The following SLC12A1 variants were observed in gnomAD, a reference collection of about 807,000 sequenced individuals.
SLC12A1 encodes solute carrier family 12 member 1.
Under a neutral mutation model 130.4 loss-of-function variants are expected in SLC12A1, and 89 were observed. The ratio of observed to expected loss-of-function variants is 0.68; its 90% CI spans 0.58 to 0.81. The LOEUF (loss-of-function observed/expected upper bound fraction) is 0.81. SLC12A1 is among the 40% of genes least tolerant of loss of function. The pLI is 0.00. For missense variants in SLC12A1, 1,310 were observed against 1,336.4 expected, an observed-to-expected ratio of 0.98 and a Z score of 0.31; for synonymous variants, 499 against 460.0, an observed-to-expected ratio of 1.08 and a Z score of -1.09.
Position 48,229,343 on chromosome 15 carries a change from T to C in SLC12A1, c.864+15T>C, listed in dbSNP as rs1451093640. The C allele has an allele frequency of 1.3e-6, 2 of 1,575,534 alleles. No individual in the cohort carries two copies. The highest frequency in any genetic ancestry group is 1.3e-5 in the African/African-American group (1 of 74,266). On this transcript the variant is annotated intron_variant, in intron 6 of 26. Coordinates refer to ENST00000380993, the MANE Select transcript of SLC12A1 (RefSeq NM_000338.3). ...ATCTTCTTAAGGTAATTAAAAGCTTTTCTTTTTTTCTGCCAAGCAGCATAA... is the reference window on the plus strand; with the variant it reads ...ATCTTCTTAAGGTAATTAAAAGCTTCTCTTTTTTTCTGCCAAGCAGCATAA...
intron 18 of SLC12A1, 108 bp downstream of exon 18, chr15:48,267,809 A>G (rs1235269369): frequency 1.7e-6 from 2 of 1,154,390 alleles, no homozygotes; most frequent in African/African-American, 1.5e-5. Context: ...AGCATCAGAG[A>G]TCAGTGCAGA....
At chr15:48,277,663 A>G (rs80101430) in intron 20 of SLC12A1, among the ~76,000 whole-genome samples, 40 of 152,354 alleles carry the variant, frequency 2.6e-4, no homozygotes, top group African/African-American at 9.4e-4. Context: ...GAGCGGCATC[A>G]GGGTATTTCT....
intron 18 of SLC12A1, among the ~76,000 whole-genome samples, chr15:48,269,039 T>C (rs1166914488): frequency 1.3e-5 from 2 of 152,200 alleles, no homozygotes; most frequent in Non-Finnish European, 2.9e-5. Context: ...CATAGCACTA[T>C]GCAATTCATA....
Position 48,259,235 on chromosome 15 carries a change from C to T in SLC12A1, c.2078C>T (p.Thr693Ile). The change falls in exon 17 of 27, where the codon ACA becomes ATA. Residue 693 changes from threonine to isoleucine, a missense_variant. Transcript: ENST00000380993. ...QCIVLTGGPMTRPALLDITHA... is the reference protein window; with the variant it reads ...QCIVLTGGPMIRPALLDITHA... ...ATTGTCTTAACAGGGGGACCCATGA[C>T]AAGACCTGCTCTCCTGGACATAACT... 1 of 1,613,598 alleles carries T rather than the reference C, an allele frequency of 6.2e-7. No individual in the cohort carries two copies. The highest frequency in any genetic ancestry group is 8.5e-7 in the Non-Finnish European group (1 of 1,179,590).
intron 1 of SLC12A1, 42 bp downstream of exon 1, chr15:48,206,372 T>C (rs1341831860): frequency 6.6e-6 from 1 of 152,192 alleles, no homozygotes; most frequent in Non-Finnish European, 1.5e-5. Flanking sequence ...TCATACTTAA[T>C]ATTATGTCAT....
At chr15:48,263,666 G>A (rs1391529494) in intron 17 of SLC12A1, among the ~76,000 whole-genome samples, 1 of 151,712 alleles carries the variant, frequency 6.6e-6, no homozygotes, top group African/African-American at 2.4e-5. Flanking sequence ...GGTTATAGAA[G>A]CTTCTACTCA....
At chr15:48,295,777 G>A (rs1038987411) in intron 24 of SLC12A1, among the ~76,000 whole-genome samples, 1 of 152,154 alleles carries the variant, frequency 6.6e-6, no homozygotes, top group Non-Finnish European at 1.5e-5. Context: ...AGGCCACCAG[G>A]AGTGTGCTGG....
At chr15:48,213,868 T>C (rs929421918) in intron 2 of SLC12A1, among the ~76,000 whole-genome samples, 1 of 152,102 alleles carries the variant, frequency 6.6e-6, no homozygotes, top group African/African-American at 2.4e-5. Context: ...TGGATACGAA[T>C]AAAGGAAATG....
chr15:48,279,206 A>C (rs2041986010), intron 20 of SLC12A1, among the ~76,000 whole-genome samples: 1 of 152,202 alleles, frequency 6.6e-6, no homozygotes, highest in African/African-American at 2.4e-5. Context: ...ACCTCTTATT[A>C]GATTTTGAAT....
intron 20 of SLC12A1, among the ~76,000 whole-genome samples, chr15:48,283,776 C>A (rs2042030814): frequency 6.6e-6 from 1 of 152,222 alleles, no homozygotes; most frequent in Admixed American, 6.5e-5. Flanking sequence ...GTTTTCTATC[C>A]TCTTCCTCTG....
intron 18 of SLC12A1, among the ~76,000 whole-genome samples, chr15:48,268,853 T>G (rs2141089229): frequency 6.6e-6 from 1 of 152,284 alleles, no homozygotes; most frequent in East Asian, 1.9e-4. Context: ...AATAATATTT[T>G]CAACTAGGAA....
Position 48,254,630 on chromosome 15 carries a change from A to C in SLC12A1, c.1943-1181A>C, listed in dbSNP as rs146315282. On this transcript the variant is annotated intron_variant, in intron 15 of 26. Transcript: ENST00000380993. Reference sequence around the variant, plus strand: ...AAAAAAAAAAAAAAAAAAAAAAAAAACCCAAAAAAGACCGGGCACGGTGGC... The same window carrying C: ...AAAAAAAAAAAAAAAAAAAAAAAAACCCCAAAAAAGACCGGGCACGGTGGC... Among the ~76,000 whole-genome samples the C allele has an allele frequency of 9.5e-5, 13 of 136,484 alleles. No individual in the cohort carries two copies. In the East Asian group the frequency reaches 2.5e-3, roughly 26 times the overall value. 89.5% of individuals were successfully genotyped at this position (136,484 alleles called of 152,430 possible).
intron 16 of SLC12A1, 134 bp from the exon 17 acceptor site, chr15:48,259,066 C>A: frequency 1.6e-6 from 1 of 612,974 alleles, no homozygotes; most frequent in East Asian, 2.7e-5. Flanking sequence ...AATACTGGTG[C>A]GAAACCCAAA....
At position 48,274,562 on chromosome 15, in the gene SLC12A1, C is replaced by T; in HGVS notation, c.2403-9C>T. 3.1e-6 allele frequency: 5 copies of T among 1,605,330 alleles called. No homozygotes were observed. Among genetic ancestry groups the T allele is most frequent in the Non-Finnish European group, 4.3e-6 (5 of 1,173,494 alleles). On this transcript the variant is annotated splice_polypyrimidine_tract_variant and intron_variant, in intron 19 of 26. Coordinates refer to ENST00000380993, the MANE Select transcript of SLC12A1 (RefSeq NM_000338.3). ...TTTAAAACGCTGACTGCTTTGCTTC[C>T]TCTTTCAGTGATGCATTTGATTTTG...
In SLC12A1 at chr15:48,247,322, C is replaced by T. The variant is rs770418972; in HGVS notation, c.1561-15C>T. On this transcript the variant is annotated splice_polypyrimidine_tract_variant and intron_variant, in intron 12 of 26. Coordinates refer to ENST00000380993, the MANE Select transcript of SLC12A1 (RefSeq NM_000338.3). ...TAGCTATAAATGACAAATTTCTTCT[C>T]TTCTTTTCCATTAGGCTCTGTGCAA... The T allele has an allele frequency of 2.5e-6, 4 of 1,596,574 alleles. No individual in the cohort carries two copies. Among genetic ancestry groups the T allele is most frequent in the Admixed American group, 1.8e-5 (1 of 54,808 alleles).
At chr15:48,266,785 T>C (rs1444702561) in intron 17 of SLC12A1, among the ~76,000 whole-genome samples, 2 of 152,216 alleles carry the variant, frequency 1.3e-5, no homozygotes, top group Admixed American at 1.3e-4. Flanking sequence ...AGAAAAGAAC[T>C]AGCTTGGACA....
rs1162675651 is a variant in SLC12A1 at position 48,247,360 on chromosome 15, C to A, written c.1584C>A (p.Tyr528Ter). 1 of 1,613,348 alleles carries A rather than the reference C, an allele frequency of 6.2e-7. No individual in the cohort carries two copies. Among genetic ancestry groups the A allele is most frequent in the East Asian group, 2.2e-5 (1 of 44,868 alleles). ...AGGCTCTGTGCAAGGACAACATCTA[C>A]AAAGCCCTGCAGTTTTTTGCAAAGG... ...VFQALCKDNIYKALQFFAKGY... is the reference protein window; with the variant it reads ...VFQALCKDNI Residue 528 changes from tyrosine (Y) to a stop codon, truncating the protein, a stop_gained, in exon 13 of 27, where the codon TAC (tyrosine) becomes TAA (stop). Transcript: ENST00000380993. LOFTEE classifies it high-confidence loss of function.
chr15:48,216,879 G>C (rs1458982913), intron 2 of SLC12A1, among the ~76,000 whole-genome samples: 2 of 152,130 alleles, frequency 1.3e-5, no homozygotes, highest in Non-Finnish European at 2.9e-5. Flanking sequence ...TTAATGGACT[G>C]GAAAACAGCC....
chr15:48,216,362 A>G (rs1286777899), intron 2 of SLC12A1, among the ~76,000 whole-genome samples: 2 of 152,170 alleles, frequency 1.3e-5, no homozygotes, highest in African/African-American at 2.4e-5. Flanking sequence ...TACCCTATTC[A>G]TCCTTTAGCC....
Sources: gnomAD v4.1 joint callset for allele counts (sites outside exome capture counted in the v4.1 genomes callset) on GRCh38, gnomAD v4.1.1 for gene constraint, MANE v1.5 for transcripts, NCBI Gene and HGNC (gene_info 2026-07-23, HGNC 2026-07-21) for gene names.